Variants in TBC1D5 observed in about 807,000 individuals in gnomAD.
The protein encoded by TBC1D5 is TBC1 domain family member 5, also known as TBC1 domain family, member 5.
Under a neutral mutation model 100.3 loss-of-function variants are expected in TBC1D5, and 75 were observed. That is an observed-to-expected ratio of 0.75 (90% confidence interval 0.62 to 0.91). TBC1D5 has a LOEUF of 0.91. Ranked by LOEUF, TBC1D5 falls within the 40% of genes least tolerant of loss-of-function variation. TBC1D5 has a pLI of 0.00. For missense variants in TBC1D5, 910 were observed against 942.4 expected (o/e 0.97, Z 0.45); for synonymous variants, 323 against 325.6 (o/e 0.99, Z 0.09).
chr3:17,436,160 A>G (rs2094531806), intron 3 of TBC1D5, among the ~76,000 whole-genome samples: 1 of 152,238 alleles, frequency 6.6e-6, no homozygotes, highest in African/African-American at 2.4e-5. Context: ...TAGAGGCATT[A>G]AAGTATCATA....
chr3:17,391,707 G>A (rs1265285396), intron 8 of TBC1D5, among the ~76,000 whole-genome samples: 1 of 152,088 alleles, frequency 6.6e-6, no homozygotes, highest in Non-Finnish European at 1.5e-5. Context: ...AGAGGCGCCA[G>A]TGAGGGCTTA....
intron 1 of TBC1D5, among the ~76,000 whole-genome samples, chr3:17,734,401 A>G (rs1415422744): frequency 6.6e-6 from 1 of 152,222 alleles, no homozygotes; most frequent in Non-Finnish European, 1.5e-5. Context: ...AGTATTGAGG[A>G]AATTGGCTAA....
At chr3:17,221,579 C>G (rs1325254272) in intron 17 of TBC1D5, among the ~76,000 whole-genome samples, 1 of 152,092 alleles carries the variant, frequency 6.6e-6, no homozygotes, top group Non-Finnish European at 1.5e-5. Flanking sequence ...AAGGGCTTGA[C>G]CTGGTGTTGC....
At chr3:17,542,126 A>T (rs892786343) in intron 2 of TBC1D5, among the ~76,000 whole-genome samples, 1 of 151,994 alleles carries the variant, frequency 6.6e-6, no homozygotes, top group Non-Finnish European at 1.5e-5. Flanking sequence ...CATCTCTATA[A>T]GAATTTTTTT....
chr3:17,736,626 C>A (rs2076984261), intron 1 of TBC1D5, among the ~76,000 whole-genome samples: 2 of 152,196 alleles, frequency 1.3e-5, no homozygotes, highest in South Asian at 2.1e-4. Context: ...TATCCCATCC[C>A]AGGATGGCAA....
At chr3:17,210,299 T>C (rs926579102) in intron 18 of TBC1D5, among the ~76,000 whole-genome samples, 2 of 152,030 alleles carry the variant, frequency 1.3e-5, no homozygotes. Context: ...GTGATTCTCC[T>C]GCCTCAGCCT....
intron 1 of TBC1D5, among the ~76,000 whole-genome samples, chr3:17,738,569 T>C (rs2077151053): frequency 6.6e-6 from 1 of 152,086 alleles, no homozygotes; most frequent in South Asian, 2.1e-4. Flanking sequence ...TAGCTGAAAA[T>C]ACCAATTAGA....
At chr3:17,719,602 T>C (rs1323578594) in intron 1 of TBC1D5, among the ~76,000 whole-genome samples, 3 of 152,126 alleles carry the variant, frequency 2.0e-5, no homozygotes, top group African/African-American at 4.8e-5. Flanking sequence ...TAACAAACAA[T>C]AGTAGTAACT....
intron 3 of TBC1D5, among the ~76,000 whole-genome samples, chr3:17,487,864 GAAC>G (rs2095589835): frequency 6.6e-6 from 1 of 151,988 alleles, no homozygotes; most frequent in South Asian, 2.1e-4. Flanking sequence ...CAGAAAAACT[GAAC>G]AAAAGTACAG....
intron 16 of TBC1D5, among the ~76,000 whole-genome samples, chr3:17,244,793 T>C (rs2076588417): frequency 6.6e-6 from 1 of 152,214 alleles, no homozygotes; most frequent in Admixed American, 6.5e-5. Context: ...TATCAATCTA[T>C]TTGGAAACTT....
At chr3:17,450,634 A>G (rs1039552380) in intron 3 of TBC1D5, among the ~76,000 whole-genome samples, 10 of 152,206 alleles carry the variant, frequency 6.6e-5, no homozygotes, top group Admixed American at 1.3e-4. Context: ...AAAGGATATC[A>G]GAGATTGAAG....
At chr3:17,708,933 C>T (rs969239401) in intron 1 of TBC1D5, among the ~76,000 whole-genome samples, 1 of 152,194 alleles carries the variant, frequency 6.6e-6, no homozygotes, top group Non-Finnish European at 1.5e-5. Context: ...ATAACAGGTA[C>T]ATATGCACCA....
intron 1 of TBC1D5, among the ~76,000 whole-genome samples, chr3:17,729,323 A>G (rs1474246145): frequency 1.3e-5 from 2 of 149,716 alleles, no homozygotes; most frequent in African/African-American, 4.9e-5. Context: ...CTATCAGTGC[A>G]TAAGGATTTG....
At chr3:17,657,127 CA>C (rs933319836) in intron 1 of TBC1D5, among the ~76,000 whole-genome samples, 1 of 151,264 alleles carries the variant, frequency 6.6e-6, no homozygotes, top group African/African-American at 2.4e-5. Context: ...ATTCCACCAC[CA>C]AAAAAAACAA....
chr3:17,440,861 C>T (rs563882673), intron 3 of TBC1D5, among the ~76,000 whole-genome samples: 8 of 152,174 alleles, frequency 5.3e-5, no homozygotes, highest in South Asian at 4.1e-4. Context: ...AAGCGGGTCT[C>T]GGACTCCTAG....
In TBC1D5 at chr3:17,233,878, C is replaced by T. The variant is rs2075643962; in HGVS notation, c.1588+4285G>A. 6 of 507,848 alleles carry T rather than the reference C, an allele frequency of 1.2e-5. No individual in the cohort carries two copies. The Admixed American group carries it at 1.9e-4, about 16-fold the overall frequency. The allele number at this position is 507,848 out of a possible 1,614,324, so 31.5% of individuals were successfully genotyped here. On this transcript the variant is annotated intron_variant, in intron 17 of 21. Coordinates refer to ENST00000253692, the Ensembl canonical transcript of TBC1D5. ...AAATATAGTACAAAAGAAAATAATG[C>T]ACAAGCTTAGAAAAATATAAAATAT...
chr3:17,433,454 C>T (rs1281879072), intron 3 of TBC1D5, among the ~76,000 whole-genome samples: 4 of 152,100 alleles, frequency 2.6e-5, no homozygotes, highest in Non-Finnish European at 4.4e-5. Context: ...AGGAGAAGTA[C>T]AGGGCAAAAC....
At chr3:17,442,294 C>A (rs1415880385) in intron 3 of TBC1D5, among the ~76,000 whole-genome samples, 1 of 152,146 alleles carries the variant, frequency 6.6e-6, no homozygotes, top group Non-Finnish European at 1.5e-5. Context: ...TATGCTGCCA[C>A]AGTAGGTTGG....
intron 17 of TBC1D5, among the ~76,000 whole-genome samples, chr3:17,221,144 T>C (rs1272294425): frequency 3.3e-5 from 5 of 152,258 alleles, no homozygotes; most frequent in Middle Eastern, 3.4e-3. Context: ...CCTAAGCCTT[T>C]AATTCCCAGA....
Sources: gnomAD v4.1 joint callset for allele counts (sites outside exome capture counted in the v4.1 genomes callset) on GRCh38, gnomAD v4.1.1 for gene constraint, MANE v1.5 for transcripts, NCBI Gene and HGNC (gene_info 2026-07-23, HGNC 2026-07-21) for gene names.